The following CTNNA3 variants were observed in gnomAD, a reference collection of about 807,000 sequenced individuals.
CTNNA3 encodes the protein catenin alpha-3.
A neutral mutation model predicts 95.7 loss-of-function variants in CTNNA3; 76 were observed. That is an observed-to-expected ratio of 0.79 (90% CI 0.66 to 0.96). CTNNA3 has a LOEUF of 0.96. CTNNA3 is among the 40% of genes least tolerant of loss of function. The pLI is 0.00. For synonymous variants in CTNNA3, 431 were observed against 374.4 expected (o/e 1.15, Z -1.74); for missense variants, 1,191 against 1,089.8 (o/e 1.09, Z -1.31).
chr10:66,179,463 A>G (rs1286968590), intron 13 of CTNNA3, among the ~76,000 whole-genome samples: 1 of 152,068 alleles, frequency 6.6e-6, no homozygotes, highest in African/African-American at 2.4e-5. Context: ...AATTGTATCA[A>G]TATCAGCACC....
chr10:67,743,632 G>A (rs557546199), intron 1 of CTNNA3, among the ~76,000 whole-genome samples: 1 of 151,258 alleles, frequency 6.6e-6, no homozygotes, highest in South Asian at 2.1e-4. Flanking sequence ...ATTCAACATA[G>A]TGTTGAAAGT....
At chr10:66,629,974 T>C (rs986066228) in intron 9 of CTNNA3, among the ~76,000 whole-genome samples, 1 of 152,148 alleles carries the variant, frequency 6.6e-6, no homozygotes, top group African/African-American at 2.4e-5. Context: ...CTAAGTCAGA[T>C]TTTTCCTTCA....
intron 13 of CTNNA3, among the ~76,000 whole-genome samples, chr10:66,115,198 T>C (rs1232267194): frequency 1.3e-5 from 2 of 152,138 alleles, no homozygotes; most frequent in Non-Finnish European, 2.9e-5. Flanking sequence ...TTGCATGATA[T>C]TTGAAGCTGA....
At chr10:67,314,243 T>C (rs1341550164) in intron 5 of CTNNA3, among the ~76,000 whole-genome samples, 1 of 152,212 alleles carries the variant, frequency 6.6e-6, no homozygotes, top group African/African-American at 2.4e-5. Flanking sequence ...AAATCATCTA[T>C]ACTACGGCTA....
At chr10:66,273,515 A>T (rs2132137205) in intron 13 of CTNNA3, among the ~76,000 whole-genome samples, 1 of 152,234 alleles carries the variant, frequency 6.6e-6, no homozygotes, top group East Asian at 1.9e-4. Flanking sequence ...ATAACATGAA[A>T]CAACAACAAC....
At chr10:66,819,433 A>G (rs1261326411) in intron 7 of CTNNA3, among the ~76,000 whole-genome samples, 1 of 152,158 alleles carries the variant, frequency 6.6e-6, no homozygotes, top group Non-Finnish European at 1.5e-5. Context: ...GGATTAGTCA[A>G]TAGTTTCTTA....
At chr10:65,927,531 G>A (rs1050358079) in intron 17 of CTNNA3, among the ~76,000 whole-genome samples, 1 of 152,136 alleles carries the variant, frequency 6.6e-6, no homozygotes, top group Non-Finnish European at 1.5e-5. Flanking sequence ...ATTTTCTATA[G>A]TTGTATATAA....
intron 7 of CTNNA3, among the ~76,000 whole-genome samples, chr10:66,970,302 AT>A (rs1392675481): frequency 6.6e-6 from 1 of 152,074 alleles, no homozygotes; most frequent in Non-Finnish European, 1.5e-5. Flanking sequence ...ACTCTGTTGT[AT>A]TTTCACTTTG....
At chr10:66,730,517 G>A (rs1589182036) in intron 9 of CTNNA3, among the ~76,000 whole-genome samples, 2 of 152,288 alleles carry the variant, frequency 1.3e-5, no homozygotes, top group South Asian at 2.1e-4. Context: ...TTACTACCTA[G>A]ATGATGAGAT....
chr10:67,345,451 T>C (rs1314637330), intron 5 of CTNNA3, among the ~76,000 whole-genome samples: 1 of 152,078 alleles, frequency 6.6e-6, no homozygotes, highest in African/African-American at 2.4e-5. Context: ...CCAGCTATTA[T>C]TAGGGGCCTC....
At chr10:67,012,699 T>G (rs550511183) in intron 7 of CTNNA3, among the ~76,000 whole-genome samples, 1 of 152,276 alleles carries the variant, frequency 6.6e-6, no homozygotes, top group South Asian at 2.1e-4. Flanking sequence ...TGGACAAATG[T>G]AATCACGTCT....
At chr10:65,927,039 C>A (rs1005312305) in intron 17 of CTNNA3, among the ~76,000 whole-genome samples, 2 of 151,900 alleles carry the variant, frequency 1.3e-5, no homozygotes, top group Non-Finnish European at 2.9e-5. Context: ...TGTATCTTTA[C>A]TTTTTCATTT....
intron 13 of CTNNA3, among the ~76,000 whole-genome samples, chr10:66,110,134 G>A (rs994332544): frequency 6.6e-6 from 1 of 151,920 alleles, no homozygotes; most frequent in Admixed American, 6.6e-5. Context: ...GCAAAGGAGG[G>A]TGGATCACCT....
chr10:65,951,131 T>G (rs537213729), intron 17 of CTNNA3, among the ~76,000 whole-genome samples: 1 of 152,208 alleles, frequency 6.6e-6, no homozygotes, highest in African/African-American at 2.4e-5. Context: ...TTCTCACTGA[T>G]GCAGATTGCT....
At chr10:67,644,177 A>C (rs553512975) in intron 2 of CTNNA3, among the ~76,000 whole-genome samples, 1 of 152,242 alleles carries the variant, frequency 6.6e-6, no homozygotes, top group Admixed American at 6.5e-5. Context: ...CTATTTCTCC[A>C]TGTCCTCTCC....
intron 6 of CTNNA3, 31 bp from the exon 7 acceptor site, chr10:67,180,551 G>A: frequency 6.6e-7 from 1 of 1,517,072 alleles, no homozygotes; most frequent in Non-Finnish European, 9.1e-7. Context: ...TATGGTTAGA[G>A]CTCCATGGCA....
intron 5 of CTNNA3, among the ~76,000 whole-genome samples, chr10:67,394,577 G>T (rs1411449968): frequency 6.6e-6 from 1 of 152,046 alleles, no homozygotes; most frequent in Non-Finnish European, 1.5e-5. Flanking sequence ...TTCTGATCCA[G>T]TATGACCCAG....
At chr10:67,471,402 C>A (rs1847815418) in intron 5 of CTNNA3, among the ~76,000 whole-genome samples, 1 of 152,220 alleles carries the variant, frequency 6.6e-6, no homozygotes, top group African/African-American at 2.4e-5. Flanking sequence ...AAGCAAGCAT[C>A]TATTATGAAG....
At chr10:66,403,794 T>C (rs759903854) in intron 11 of CTNNA3, among the ~76,000 whole-genome samples, 1 of 152,210 alleles carries the variant, frequency 6.6e-6, no homozygotes, top group African/African-American at 2.4e-5. Flanking sequence ...CTTGACTCCA[T>C]CTTGCTTCTG....
Sources: gnomAD v4.1 joint callset for allele counts (sites outside exome capture counted in the v4.1 genomes callset) on GRCh38, gnomAD v4.1.1 for gene constraint, MANE v1.5 for transcripts, NCBI Gene and HGNC (gene_info 2026-07-23, HGNC 2026-07-21) for gene names.